Variants in ZNF808 observed in about 807,000 individuals in gnomAD.
The protein encoded by ZNF808 is zinc finger protein 808.
Under a neutral mutation model 8.7 loss-of-function variants are expected in ZNF808, and 5 were observed. The observed-to-expected ratio is 0.58, with a 90% CI of 0.30 to 1.21. The LOEUF (loss-of-function observed/expected upper bound fraction) is 1.21. Ranked by LOEUF, ZNF808 falls within the 50% of genes most tolerant of loss-of-function variation. The pLI is 0.07. For missense variants in ZNF808, 1,103 were observed against 1,098.4 expected (o/e 1.00, Z -0.06); for synonymous variants, 380 against 366.0 (o/e 1.04, Z -0.44).
At chr19:52,568,277 G>C (rs1322515242), downstream of ZNF808, among the ~76,000 whole-genome samples, 1 of 152,226 alleles carries the variant, frequency 6.6e-6, no homozygotes. Flanking sequence ...GGGAGGCTGA[G>C]GCAGGAGAAC....
Position 52,555,457 on chromosome 19 carries a change from C to G in ZNF808, c.2541C>G (p.Tyr847Ter). 1.2e-6 allele frequency: 2 copies of G among 1,614,076 alleles called. No homozygotes were observed. The highest frequency in any genetic ancestry group is 1.7e-6 in the Non-Finnish European group (2 of 1,179,966). Residue 847 changes from tyrosine (Y) to a stop codon, truncating the protein, a stop_gained, in exon 5 of 5, where the codon TAC becomes TAG. Transcript: ENST00000359798. LOFTEE classifies it low-confidence loss of function (END_TRUNC). Reference sequence around the variant, plus strand: ...GAATTCATACTGGAGAGAAACCTTACAAATGTGAAGCATGTGACAAAGTTT... The same window carrying G: ...GAATTCATACTGGAGAGAAACCTTAGAAATGTGAAGCATGTGACAAAGTTT... ...HHRIHTGEKPYKCEACDKVFS... is the reference protein window; with the variant it reads ...HHRIHTGEKP
At chr19:52,539,041 G>C (rs1360796746) in intron 2 of ZNF808, among the ~76,000 whole-genome samples, 1 of 152,136 alleles carries the variant, frequency 6.6e-6, no homozygotes, top group East Asian at 1.9e-4. Context: ...CCCTTTTCAT[G>C]GCTGGGGTCG....
Position 52,553,248 on chromosome 19 carries a change from A to G in ZNF808, c.332A>G (p.His111Arg), listed in dbSNP as rs1185836977. The G allele has an allele frequency of 6.2e-7, 1 of 1,613,922 alleles. No individual in the cohort carries two copies. Among genetic ancestry groups the G allele is most frequent in the African/African-American group, 1.3e-5 (1 of 74,928 alleles). The change falls in exon 5 of 5, where the codon CAT becomes CGT. Residue 111 changes from histidine to arginine, a missense_variant. Physicochemically the swap from His to Arg is conservative, Grantham distance 29 (BLOSUM62 0). Coordinates refer to ENST00000359798, the MANE Select transcript of ZNF808 (RefSeq NM_001039886.4). ...TTCCAGGAAATTGAGAAAGAAATTCATAACATTGAGTTTCAGTGTCAAGAA... is the reference window on the plus strand; with the variant it reads ...TTCCAGGAAATTGAGAAAGAAATTCGTAACATTGAGTTTCAGTGTCAAGAA... Reference protein sequence around the residue: ...FCFQEIEKEIHNIEFQCQEDE... With the variant: ...FCFQEIEKEIRNIEFQCQEDE...
rs329964 is a variant in ZNF808 at position 52,553,318 on chromosome 19, G to A, written c.402G>A (p.Lys134=). Reference sequence around the variant, plus strand: ...AAGCACCCACGACAAAAATAAAAAAGTTGACTGGTAGCACAGACCAACATG... The same window carrying A: ...AAGCACCCACGACAAAAATAAAAAAATTGACTGGTAGCACAGACCAACATG... The part of the protein sequence containing the change: ...GHEAPTTKIK[K]LTGSTDQHDH... Residue 134 remains lysine (K), a synonymous_variant, in exon 5 of 5, where the codon AAG becomes AAA. Coordinates refer to ENST00000359798, the MANE Select transcript of ZNF808 (RefSeq NM_001039886.4). The A allele has an allele frequency of 6.2e-7, 1 of 1,613,676 alleles. No homozygotes were observed. Among genetic ancestry groups the A allele is most frequent in the Non-Finnish European group, 8.5e-7 (1 of 1,179,862 alleles).
chr19:52,533,124 T>G (rs2059575525), intron 2 of ZNF808, 115 bp downstream of exon 2: 1 of 152,210 alleles, frequency 6.6e-6, no homozygotes, highest in Admixed American at 6.5e-5. Flanking sequence ...CTTAGGACAT[T>G]TATTAGAAAA....
At chr19:52,543,128 T>TA (rs2059688238) in intron 2 of ZNF808, 138 bp from the exon 3 acceptor site, 1 of 827,842 alleles carries the variant, frequency 1.2e-6, no homozygotes, top group Non-Finnish European at 1.9e-6. Context: ...GGGACTTTCT[T>TA]ACCTCTGCAT....
rs962550043 is a variant in ZNF808 at position 52,533,842 on chromosome 19, CCAAAAAAAAAAA to C, written c.-20+834_-20+845del. On this transcript the variant is annotated intron_variant, in intron 2 of 4. Coordinates refer to ENST00000359798, the MANE Select transcript of ZNF808 (RefSeq NM_001039886.4). Reference sequence around the variant, plus strand: ...TGGGTGACAAAGTGAGACTCCGTCTCCAAAAAAAAAAAAAAAAAAAAAAAAGGCAAGCAACAA... The same window carrying C: ...TGGGTGACAAAGTGAGACTCCGTCTCAAAAAAAAAAAAAGGCAAGCAACAA... 5.4e-5 allele frequency among the ~76,000 whole-genome samples: 3 copies of C among 55,240 alleles called. 1 individual carries two copies. Among genetic ancestry groups the C allele is most frequent in the South Asian group, 1.3e-3 (2 of 1,484 alleles). 36.2% of individuals were successfully genotyped at this position (55,240 alleles called of 152,430 possible).
At chr19:52,537,799 T>C (rs923615198) in intron 2 of ZNF808, among the ~76,000 whole-genome samples, 5 of 152,180 alleles carry the variant, frequency 3.3e-5, no homozygotes, top group African/African-American at 4.8e-5. Flanking sequence ...AATAACTTGT[T>C]TAAATTATAC....
intron 3 of ZNF808, among the ~76,000 whole-genome samples, chr19:52,544,425 G>A (rs545372185): frequency 6.6e-6 from 1 of 152,002 alleles, no homozygotes; most frequent in East Asian, 1.9e-4. Flanking sequence ...CCCCCTCCCA[G>A]TTTCAAGCAA....
intron 4 of ZNF808, among the ~76,000 whole-genome samples, chr19:52,549,711 C>G (rs939840701): frequency 1.3e-5 from 2 of 152,090 alleles, no homozygotes; most frequent in African/African-American, 4.8e-5. Flanking sequence ...CTTGCCCTTC[C>G]TTTCCTGGCC....
Position 52,555,587 on chromosome 19 carries a change from A to G in ZNF808, c.2671A>G (p.Ile891Val), listed in dbSNP as rs1275024055. 1 of 1,610,636 alleles carries G rather than the reference A, an allele frequency of 6.2e-7. No individual in the cohort carries two copies. The highest frequency in any genetic ancestry group is 1.3e-5 in the African/African-American group (1 of 74,798). ...AGCCTTTAGTGACCGGTCAACACTT[A>G]TTCACCATCAGGCAATTCATGGTAT... ...GKAFSDRSTL[I>V]HHQAIHGIGK... is the part of the protein sequence containing the mutation. Residue 891 changes from isoleucine (I) to valine (V), a missense_variant, in exon 5 of 5, where the codon ATT (isoleucine) becomes GTT (valine). Coordinates refer to ENST00000359798, the MANE Select transcript of ZNF808 (RefSeq NM_001039886.4).
chr19:52,537,314 A>G (rs1046125458), intron 2 of ZNF808, among the ~76,000 whole-genome samples: 3 of 152,086 alleles, frequency 2.0e-5, no homozygotes, highest in African/African-American at 7.2e-5. Context: ...ATCCCAGGGA[A>G]AAAGAAAAGA....
intron 4 of ZNF808, among the ~76,000 whole-genome samples, chr19:52,552,238 C>G (rs994719590): frequency 6.6e-6 from 1 of 151,748 alleles, no homozygotes; most frequent in Non-Finnish European, 1.5e-5. Flanking sequence ...AGGATGGTCT[C>G]GATCTCCTGA....
intron 2 of ZNF808, among the ~76,000 whole-genome samples, chr19:52,536,559 C>T (rs757726510): frequency 5.9e-5 from 9 of 152,184 alleles, no homozygotes; most frequent in Non-Finnish European, 1.0e-4. Flanking sequence ...TCGCAGTCAC[C>T]GCTTCCCCTG....
chr19:52,563,318 G>A (rs117973272), exon 4 of ZNF808: 31 of 152,204 alleles, frequency 2.0e-4, no homozygotes, highest in Non-Finnish European at 4.0e-4. Flanking sequence ...TTTACATAAG[G>A]CTTTTCAGTA....
chr19:52,551,979 G>A (rs552206756), intron 4 of ZNF808, among the ~76,000 whole-genome samples: 24 of 152,178 alleles, frequency 1.6e-4, no homozygotes, highest in African/African-American at 5.5e-4. Context: ...CTCCAAGTTG[G>A]AGTGCAAGAC....
intron 2 of ZNF808, among the ~76,000 whole-genome samples, chr19:52,533,696 A>G (rs2059579887): frequency 6.6e-6 from 1 of 151,848 alleles, no homozygotes; most frequent in African/African-American, 2.4e-5. Context: ...TCTACTAAAA[A>G]TACGAAGAAA....
rs528150029 is a variant in ZNF808, at chr19:52,550,004, C to A, written c.190+2366C>A. On this transcript the variant is annotated intron_variant, in intron 4 of 4. Transcript: ENST00000359798. ...TTGTGTCCCAGCTCAGCCTTTGTAT[C>A]CCCCTTGATGTACTTCTATCTGTTC... Among the ~76,000 whole-genome samples, 15 of 152,238 alleles carry A rather than the reference C, an allele frequency of 9.9e-5. No individual in the cohort carries two copies. The East Asian group carries it at 2.9e-3, about 29-fold the overall frequency.
chr19:52,531,277 C>T (rs1450245246), intron 1 of ZNF808, among the ~76,000 whole-genome samples: 1 of 152,000 alleles, frequency 6.6e-6, no homozygotes, highest in Non-Finnish European at 1.5e-5. Flanking sequence ...GGTTCGAGAC[C>T]AGCCTGACCA....
Sources: allele counts gnomAD v4.1 joint callset (sites outside exome capture counted in the v4.1 genomes callset), GRCh38; gene constraint gnomAD v4.1.1; transcripts MANE v1.5; gene names NCBI Gene and HGNC (gene_info 2026-07-23, HGNC 2026-07-21).